The following SRCAP variants were observed in gnomAD, a reference collection of about 807,000 sequenced individuals.
The protein encoded by SRCAP is chromatin remodeling protein SRCAP.
Under a neutral mutation model 263.1 loss-of-function variants are expected in SRCAP, and 46 were observed. The ratio of observed to expected loss-of-function variants is 0.17; its 90% CI spans 0.14 to 0.22. The LOEUF is 0.22. Ranked by LOEUF, SRCAP falls within the 10% of genes least tolerant of loss-of-function variation. The pLI is 1.00. For missense variants in SRCAP, 3,695 were observed against 4,181.9 expected (o/e 0.88, Z 3.21); for synonymous variants, 1,813 against 1,662.1 (o/e 1.09, Z -2.21).
rs377073679 is a variant in SRCAP, at chr16:30,711,962, A to C, written c.1620A>C (p.Ala540=). The C allele has an allele frequency of 1.9e-6, 3 of 1,613,938 alleles. No individual in the cohort carries two copies. In the African/African-American group the frequency reaches 4.0e-5, roughly 22 times the overall value. ...ESEDAQSQSQ[A]DEEEEDDDFG... is the part of the protein sequence containing the mutation. The stretch of plus-strand genomic sequence containing the variant: ...AGGATGCCCAATCACAGAGCCAAGC[A>C]GATGAAGAGGAGGAAGATGATGATT... The change falls in exon 12 of 34, where the codon GCA becomes GCC. Residue 540 remains alanine, a synonymous_variant. Coordinates refer to ENST00000262518, the MANE Select transcript of SRCAP (RefSeq NM_006662.3).
chr16:30,724,490 C>A lies in SRCAP; in HGVS notation c.5066C>A (p.Pro1689His). 1.9e-6 allele frequency: 3 copies of A among 1,614,128 alleles called. No individual in the cohort carries two copies. The highest frequency in any genetic ancestry group is 2.5e-6 in the Non-Finnish European group (3 of 1,180,008). ...CTGGCCCTAGCCCCAGCTTTAGCAC[C>A]CACTCTTGGAGGCTCATCTCCATCT... ...QTLALAPALA[P>H]TLGGSSPSQT... The change falls in exon 25 of 34, where the codon CCC becomes CAC. Residue 1689 changes from proline to histidine, a missense_variant. Around this residue, in one of 12 missense-constraint regions of SRCAP, gnomAD observed 1,347 missense variants for 1,304.4 expected, o/e 1.03. Transcript: ENST00000262518.
rs1032687651 is a variant in SRCAP, at chr16:30,738,552, G to A, written c.8512G>A (p.Gly2838Ser). The change falls in exon 34 of 34, where the codon GGT (glycine) becomes AGT (serine). Residue 2838 changes from glycine (G) to serine (S), a missense_variant. Around this residue, in one of 12 missense-constraint regions of SRCAP, gnomAD observed 1,207 missense variants for 1,142.9 expected, o/e 1.06. Transcript: ENST00000262518. Reference sequence around the variant, plus strand: ...TCACATTGAGCTGGGGGTGACTGGTGGTGGCAGCCCCGAGAATGGAGACGG... The same window carrying A: ...TCACATTGAGCTGGGGGTGACTGGTAGTGGCAGCCCCGAGAATGGAGACGG... ...RRHIELGVTG[G>S]GSPENGDGAL... is the part of the protein sequence containing the mutation. 2 of 1,611,334 alleles carry A rather than the reference G, an allele frequency of 1.2e-6. No homozygotes were observed. Among genetic ancestry groups the A allele is most frequent in the Admixed American group, 3.4e-5 (2 of 59,474 alleles).
In SRCAP at chr16:30,738,917, T is replaced by C; in HGVS notation, c.8877T>C (p.Asp2959=). The C allele has an allele frequency of 6.2e-7, 1 of 1,614,134 alleles. No homozygotes were observed. Among genetic ancestry groups the C allele is most frequent in the Non-Finnish European group, 8.5e-7 (1 of 1,180,014 alleles). ...PIPGTISSAG[D]GNSESRTQPP... is the part of the protein sequence containing the mutation. Reference sequence around the variant, plus strand: ...CTGGGACCATTTCCTCTGCAGGGGATGGCAACTCCGAAAGTCGGACACAGC... The same window carrying C: ...CTGGGACCATTTCCTCTGCAGGGGACGGCAACTCCGAAAGTCGGACACAGC... Residue 2959 remains aspartate, a synonymous_variant, in exon 34 of 34, where the codon GAT becomes GAC. Transcript: ENST00000262518.
intron 25 of SRCAP, chr16:30,726,170 G>A (rs1328247176): frequency 6.6e-6 from 1 of 152,112 alleles, no homozygotes; most frequent in African/African-American, 2.4e-5. Context: ...TTAGATTAAT[G>A]TTCTTTGAAT....
chr16:30,725,365 A>C, intron 25 of SRCAP: 2 of 415,330 alleles, frequency 4.8e-6, no homozygotes, highest in Admixed American at 4.3e-5. Context: ...TGGGCAGTAA[A>C]AGGAACTCTT....
chr16:30,708,111 C>T (rs925532465), intron 6 of SRCAP, among the ~76,000 whole-genome samples: 3 of 152,228 alleles, frequency 2.0e-5, no homozygotes, highest in Admixed American at 6.5e-5. Flanking sequence ...CCCTTCCACT[C>T]CACACCCACC....
chr16:30,711,787 T>C (rs759647841), intron 11 of SRCAP, 43 bp downstream of exon 11: 29 of 1,609,740 alleles, frequency 1.8e-5, no homozygotes, highest in African/African-American at 1.7e-4. Context: ...AGGGTGGCCA[T>C]TGGAAGAGCA....
intron 10 of SRCAP, 124 bp downstream of exon 10, chr16:30,711,212 G>A (rs1401505510): frequency 1.4e-6 from 1 of 739,034 alleles, no homozygotes; most frequent in African/African-American, 1.7e-5. Flanking sequence ...TAATGACTAA[G>A]ACAGACTTGT....
chr16:30,705,059 G>A (rs951840824), intron 4 of SRCAP, among the ~76,000 whole-genome samples: 4 of 152,058 alleles, frequency 2.6e-5, no homozygotes, highest in Non-Finnish European at 5.9e-5. Context: ...CCAGCACTTT[G>A]GGAGGCCGAG....
At chr16:30,725,768 A>G (rs949707384) in intron 25 of SRCAP, 2 of 152,054 alleles carry the variant, frequency 1.3e-5, no homozygotes, top group African/African-American at 4.8e-5. Context: ...CGATTTACCC[A>G]TTTAAACTGT....
chr16:30,722,854 G>C, intron 23 of SRCAP, 106 bp downstream of exon 23: 1 of 1,544,098 alleles, frequency 6.5e-7, no homozygotes, highest in Non-Finnish European at 8.7e-7. Context: ...TTTCCCTTGC[G>C]AATATCTATG....
At position 30,737,214 on chromosome 16, in the gene SRCAP, G is replaced by A. The variant is rs754662110; in HGVS notation, c.7174G>A (p.Gly2392Arg). The A allele has an allele frequency of 1.9e-6, 3 of 1,614,132 alleles. No homozygotes were observed. The highest frequency in any genetic ancestry group is 2.5e-6 in the Non-Finnish European group (3 of 1,180,020). ...AAAGGCCAAAGCCCCTGAGAGGCCG[G>A]GGACTCGTGTCAGTGAGCGTCTTCG... ...SKKAKAPERP[G>R]TRVSERLRGA... The change falls in exon 34 of 34, where the codon GGG becomes AGG. Residue 2392 changes from glycine to arginine, a missense_variant. Coordinates refer to ENST00000262518, the MANE Select transcript of SRCAP (RefSeq NM_006662.3).
intron 31 of SRCAP, among the ~76,000 whole-genome samples, chr16:30,735,175 C>T (rs1233981324): frequency 7.8e-6 from 1 of 127,468 alleles, no homozygotes; most frequent in African/African-American, 3.5e-5. Context: ...GAGACGGAGT[C>T]TCGCTCTGTC....
Position 30,709,553 on chromosome 16 carries a change from G to T in SRCAP, c.674G>T (p.Arg225Leu). The part of the protein sequence containing the change: ...FKQQSRLEEK[R>L]KKALDLHLDF... ...CAACAGTCCCGGCTTGAGGAAAAGC[G>T]CAAAAAAGCCCTGGACCTGCATTTG... Residue 225 changes from arginine to leucine, a missense_variant, in exon 7 of 34, where the codon CGC becomes CTC. Around this residue, in one of 12 missense-constraint regions of SRCAP, gnomAD observed 107 missense variants for 223.8 expected, o/e 0.48. Transcript: ENST00000262518. 7.4e-6 allele frequency: 12 copies of T among 1,614,106 alleles called. No individual in the cohort carries two copies. Among genetic ancestry groups the T allele is most frequent in the Non-Finnish European group, 1.0e-5 (12 of 1,180,016 alleles).
At chr16:30,712,584 C>T (rs2052903667) in intron 13 of SRCAP, 95 bp from the exon 14 acceptor site, 1 of 1,570,192 alleles carries the variant, frequency 6.4e-7, no homozygotes, top group Admixed American at 1.8e-5. Flanking sequence ...GCTAGGATTC[C>T]TAGGAAGGGC....
At chr16:30,726,522 C>CTTT (rs869052611) in intron 25 of SRCAP, among the ~76,000 whole-genome samples, 1 of 141,132 alleles carries the variant, frequency 7.1e-6, no homozygotes. Context: ...TGAGCCAATA[C>CTTT]TTTTTTTTTT....
chr16:30,706,077 G>A (rs2052824362), intron 4 of SRCAP, among the ~76,000 whole-genome samples: 1 of 152,142 alleles, frequency 6.6e-6, no homozygotes, highest in African/African-American at 2.4e-5. Flanking sequence ...CTTTCTTGAT[G>A]TTTCCTTCAC....
chr16:30,722,516 A>G, intron 22 of SRCAP, 47 bp from the exon 23 acceptor site: 1 of 1,604,628 alleles, frequency 6.2e-7, no homozygotes, highest in Non-Finnish European at 8.5e-7. Flanking sequence ...TGCCCTCCTC[A>G]GGCTGATAGC....
At chr16:30,710,523 C>G (rs776007420) in intron 8 of SRCAP, 11 of 753,900 alleles carry the variant, frequency 1.5e-5, no homozygotes, top group Admixed American at 8.5e-5. Flanking sequence ...GTGTTGGGTG[C>G]CTTTATTTGT....
Sources: gnomAD v4.1 joint callset for allele counts (sites outside exome capture counted in the v4.1 genomes callset) on GRCh38, gnomAD v4.1.1 for gene constraint, gnomAD v4.1.1 regional missense constraint, MANE v1.5 for transcripts, NCBI Gene and HGNC (gene_info 2026-07-23, HGNC 2026-07-21) for gene names.